The following FCRL1 variants were observed in gnomAD, a reference collection of about 807,000 sequenced individuals.
The protein encoded by FCRL1 is Fc receptor-like protein 1.
A neutral mutation model predicts 49.2 loss-of-function variants in FCRL1; 34 were observed. The observed-to-expected ratio is 0.69, with a 90% CI of 0.53 to 0.92. The LOEUF (loss-of-function observed/expected upper bound fraction) is 0.92. Among genes scored for constraint, FCRL1 ranks in the 40% least tolerant of loss-of-function variants. The probability of loss-of-function intolerance (pLI) is 0.00; values close to 1 mark genes in which losing one functional copy is unlikely to be tolerated. For synonymous variants in FCRL1, 218 were observed against 201.6 expected (o/e 1.08, Z -0.69); for missense variants, 524 against 524.1 (o/e 1.00, Z 0.00).
At chr1:157,805,147 C>T (rs192910394) in intron 2 of FCRL1, among the ~76,000 whole-genome samples, 3 of 152,272 alleles carry the variant, frequency 2.0e-5, no homozygotes, top group Admixed American at 6.5e-5. Flanking sequence ...GTGTGAGCCA[C>T]CACTCCCGGC....
rs375165258 is a variant in FCRL1 at position 157,815,146 on chromosome 1, G to T, written c.31+4861C>A. ...TAGAACATTTCACCCAATATCTGCA[G>T]AATTCACATTTTTCTCAACTGCACA... On this transcript the variant is annotated intron_variant, in intron 1 of 10. Coordinates refer to ENST00000368176, the MANE Select transcript of FCRL1 (RefSeq NM_052938.5). Among the ~76,000 whole-genome samples, 4 of 151,992 alleles carry T rather than the reference G, an allele frequency of 2.6e-5. No individual in the cohort carries two copies. The East Asian group carries it at 5.8e-4, about 22-fold the overall frequency.
At chr1:157,807,737 C>T (rs1464984935) in intron 1 of FCRL1, among the ~76,000 whole-genome samples, 1 of 152,144 alleles carries the variant, frequency 6.6e-6, no homozygotes, top group East Asian at 1.9e-4. Flanking sequence ...AATATTATGG[C>T]TCAATGATCA....
In FCRL1 at chr1:157,820,008, A is replaced by G; in HGVS notation, c.30T>C (p.Cys10=). The change falls in exon 1 of 11, where the codon TGT becomes TGC. Residue 10 remains cysteine (C), a splice_region_variant and synonymous_variant. Coordinates refer to ENST00000368176, the MANE Select transcript of FCRL1 (RefSeq NM_052938.5). ...CCTGCTCTGAGTTGCCCAACTCACC[A>G]CAGATCAACAGCAACAGCCTCGGCA... MLPRLLLLI[C]APLCEPAELF... 2 of 1,614,110 alleles carry G rather than the reference A, an allele frequency of 1.2e-6. No homozygotes were observed. The highest frequency in any genetic ancestry group is 1.7e-4 in the Middle Eastern group (1 of 6,052).
In FCRL1 at chr1:157,799,530, T is replaced by G. The variant is rs945887660; in HGVS notation, c.1031+528A>C. 2.0e-5 allele frequency among the ~76,000 whole-genome samples: 3 copies of G among 152,194 alleles called. No individual in the cohort carries two copies. The South Asian group carries it at 6.2e-4, about 32-fold the overall frequency. Reference sequence around the variant, plus strand: ...TGAATGGGAGTTCACTCATGATTTGTCTCTCTGTTTGTCTGTTATTGGTGT... The same window carrying G: ...TGAATGGGAGTTCACTCATGATTTGGCTCTCTGTTTGTCTGTTATTGGTGT... On this transcript the variant is annotated intron_variant, in intron 7 of 10. Transcript: ENST00000368176.
At chr1:157,815,285 C>G (rs1571415944) in intron 1 of FCRL1, among the ~76,000 whole-genome samples, 4 of 151,904 alleles carry the variant, frequency 2.6e-5, no homozygotes, top group Admixed American at 2.6e-4. Flanking sequence ...AACTTGAAAT[C>G]AATAACACAA....
rs12078586 is a variant in FCRL1 at position 157,802,614 on chromosome 1, C to T, written c.370G>A (p.Val124Met). ...SLETQPPGGQ[V>M]MEGDRLVLIC... is the part of the protein sequence containing the mutation. ...AGGACCAGCCTGTCTCCCTCCATCA[C>T]CTGTCCTCCTGGGGGCTGAGTCTCC... Residue 124 changes from valine to methionine, a missense_variant, in exon 4 of 11, where the codon GTG (valine) becomes ATG (methionine). By Grantham distance (21) the Val-to-Met change is conservative (BLOSUM62 1). Transcript: ENST00000368176. The T allele has an allele frequency of 7.7e-3, 12,430 of 1,614,084 alleles. 801 individuals carry two copies. In the African/African-American group the frequency reaches 0.15, roughly 19 times the overall value.
At chr1:157,797,661 C>T (rs1651738610) in intron 9 of FCRL1, 3 of 1,330,086 alleles carry the variant, frequency 2.3e-6, no homozygotes, top group Non-Finnish European at 3.2e-6. Flanking sequence ...GACAGCCCAT[C>T]CCCAGGGGAA....
In FCRL1 at chr1:157,795,900, T is replaced by A; in HGVS notation, c.*199A>T. ...CTGATAACAAAGTCCCTGTCACTCC[T>A]GTGTCTATTAGTTCTCCTAGGTAGT... On this transcript the variant is annotated 3_prime_UTR_variant, in exon 11 of 11. Transcript: ENST00000368176. 3.9e-6 allele frequency: 2 copies of A among 518,120 alleles called. No homozygotes were observed. Among genetic ancestry groups the A allele is most frequent in the Admixed American group, 6.1e-5 (2 of 32,556 alleles). 32.1% of individuals were successfully genotyped at this position (518,120 alleles called of 1,614,324 possible).
chr1:157,804,173 T>C, intron 2 of FCRL1, 62 bp from the exon 3 acceptor site: 2 of 1,582,908 alleles, frequency 1.3e-6, no homozygotes, highest in Non-Finnish European at 1.7e-6. Flanking sequence ...AAGAGGCAGT[T>C]TGTGTCTCAG....
intron 1 of FCRL1, among the ~76,000 whole-genome samples, chr1:157,814,378 T>C (rs1011748382): frequency 5.9e-5 from 9 of 152,026 alleles, no homozygotes; most frequent in Admixed American, 5.9e-4. Context: ...AGTTAAGCTG[T>C]TATCAGCTTA....
rs200352181 is a variant in FCRL1 at position 157,805,898 on chromosome 1, AAAAG to A, written c.52+1200_52+1203del. Among the ~76,000 whole-genome samples, 601 of 152,338 alleles carry A rather than the reference AAAAG, an allele frequency of 3.9e-3. 20 individuals carry two copies. The highest frequency in any genetic ancestry group is 0.037 in the Admixed American group (562 of 15,302). Reference sequence around the variant, plus strand: ...GCAACAGAGTGAGACTCTGTCTCAAAAAAGAAAGGCATTTAGCATTTGGGCATCT... The same window carrying A: ...GCAACAGAGTGAGACTCTGTCTCAAAAAAGGCATTTAGCATTTGGGCATCT... On this transcript the variant is annotated intron_variant, in intron 2 of 10. Transcript: ENST00000368176.
intron 10 of FCRL1, among the ~76,000 whole-genome samples, chr1:157,796,773 A>G (rs1205867667): frequency 6.6e-6 from 1 of 152,244 alleles, no homozygotes; most frequent in Non-Finnish European, 1.5e-5. Flanking sequence ...TTATAGTACA[A>G]AGTGATGGAT....
At chr1:157,811,417 G>T (rs2101889382) in intron 1 of FCRL1, among the ~76,000 whole-genome samples, 1 of 152,234 alleles carries the variant, frequency 6.6e-6, no homozygotes, top group East Asian at 1.9e-4. Context: ...AGCTTGGAAT[G>T]CAGGCTGGGA....
chr1:157,816,188 G>A (rs781026345), intron 1 of FCRL1, among the ~76,000 whole-genome samples: 1 of 151,784 alleles, frequency 6.6e-6, no homozygotes, highest in South Asian at 2.1e-4. Flanking sequence ...ACATAGATGT[G>A]CAAATTCTCA....
chr1:157,802,247 T>A, intron 4 of FCRL1, 54 bp from the exon 5 acceptor site: 1 of 1,584,136 alleles, frequency 6.3e-7, no homozygotes, highest in Non-Finnish European at 8.6e-7. Flanking sequence ...AGCAAACTCA[T>A]AATCCCTGCC....
At chr1:157,797,267 T>C (rs1367199608) in intron 9 of FCRL1, 135 bp from the exon 10 acceptor site, 5 of 980,088 alleles carry the variant, frequency 5.1e-6, no homozygotes, top group Admixed American at 1.9e-5. Flanking sequence ...CTGTCTTGCT[T>C]TTCTGTTTAT....
chr1:157,811,826 G>C (rs963266109), intron 1 of FCRL1, among the ~76,000 whole-genome samples: 1 of 152,172 alleles, frequency 6.6e-6, no homozygotes. Flanking sequence ...GGAACAAGCT[G>C]TCTAGGAATC....
intron 2 of FCRL1, 41 bp from the exon 3 acceptor site, chr1:157,804,152 G>T: frequency 6.3e-7 from 1 of 1,598,164 alleles, no homozygotes; most frequent in South Asian, 1.1e-5. Context: ...ATGCGGTTCG[G>T]AATTTCTGGT....
In FCRL1 at chr1:157,795,890, C is replaced by T; in HGVS notation, c.*209G>A. 2.1e-6 allele frequency: 1 copy of T among 486,330 alleles called. No homozygotes were observed. The highest frequency in any genetic ancestry group is 3.7e-6 in the Non-Finnish European group (1 of 270,678). 30.1% of individuals were successfully genotyped at this position (486,330 alleles called of 1,614,324 possible). On this transcript the variant is annotated 3_prime_UTR_variant, in exon 11 of 11. Coordinates refer to ENST00000368176, the MANE Select transcript of FCRL1 (RefSeq NM_052938.5). The stretch of plus-strand genomic sequence containing the variant: ...GAATCTGGTTCTGATAACAAAGTCC[C>T]TGTCACTCCTGTGTCTATTAGTTCT...
Sources: gnomAD v4.1 joint callset for allele counts (sites outside exome capture counted in the v4.1 genomes callset) on GRCh38, gnomAD v4.1.1 for gene constraint, MANE v1.5 for transcripts, NCBI Gene and HGNC (gene_info 2026-07-23, HGNC 2026-07-21) for gene names.